SMOC1: variants seen among roughly 807,000 people sequenced by gnomAD.
SMOC1 encodes SPARC related modular calcium binding 1.
A neutral mutation model predicts 56.3 loss-of-function variants in SMOC1; 22 were observed. The observed-to-expected ratio is 0.39, with a 90% CI of 0.28 to 0.56. SMOC1 has a LOEUF of 0.56. Among genes scored for constraint, SMOC1 ranks in the 20% least tolerant of loss-of-function variants. The pLI, the probability that SMOC1 is intolerant of heterozygous loss-of-function variation, is 0.61. For synonymous variants in SMOC1, 193 were observed against 215.0 expected (o/e 0.90, Z 0.89); for missense variants, 509 against 565.4 (o/e 0.90, Z 1.01).
At chr14:70,027,814 C>A in intron 11 of SMOC1, among the ~76,000 whole-genome samples, 1 of 152,140 alleles carries the variant, frequency 6.6e-6, no homozygotes, top group East Asian at 1.9e-4. Flanking sequence ...ATAGCGAAGG[C>A]ACAAAAGAAA....
At chr14:70,005,758 A>G (rs1273350462) in intron 7 of SMOC1, among the ~76,000 whole-genome samples, 1 of 152,156 alleles carries the variant, frequency 6.6e-6, no homozygotes, top group Non-Finnish European at 1.5e-5. Flanking sequence ...ACAGGATTAT[A>G]GGGGCGGGCG....
chr14:70,018,525 TGTGA>T (rs1763241902), intron 10 of SMOC1, among the ~76,000 whole-genome samples: 1 of 152,158 alleles, frequency 6.6e-6, no homozygotes, highest in Admixed American at 6.5e-5. Context: ...ATGTTTTCTG[TGTGA>T]GTGAGTTATC....
At chr14:69,899,946 C>T (rs368128555) in intron 1 of SMOC1, among the ~76,000 whole-genome samples, 4 of 152,168 alleles carry the variant, frequency 2.6e-5, no homozygotes, top group African/African-American at 9.7e-5. Flanking sequence ...CAGTGGTTTG[C>T]CATGTGAAAT....
At chr14:69,924,464 G>A (rs1188507881) in intron 1 of SMOC1, among the ~76,000 whole-genome samples, 1 of 152,054 alleles carries the variant, frequency 6.6e-6, no homozygotes, top group Non-Finnish European at 1.5e-5. Flanking sequence ...CTCTTTAGAA[G>A]TGGATATCGA....
intron 7 of SMOC1, among the ~76,000 whole-genome samples, chr14:70,005,089 A>C (rs1204040711): frequency 1.3e-5 from 2 of 152,268 alleles, no homozygotes; most frequent in Non-Finnish European, 2.9e-5. Context: ...TCTGGAAGGC[A>C]GTGTCTAGAA....
chr14:69,938,260 C>A (rs534754980), intron 1 of SMOC1, among the ~76,000 whole-genome samples: 1 of 152,252 alleles, frequency 6.6e-6, no homozygotes, highest in East Asian at 1.9e-4. Context: ...AGTACTCTGC[C>A]TCTTCTTCCT....
At chr14:69,956,598 T>C (rs1883196395) in intron 3 of SMOC1, among the ~76,000 whole-genome samples, 1 of 152,068 alleles carries the variant, frequency 6.6e-6, no homozygotes, top group Non-Finnish European at 1.5e-5. Context: ...TTGAAGTTTA[T>C]GGGGGGAGTG....
intron 1 of SMOC1, among the ~76,000 whole-genome samples, chr14:69,921,152 G>A (rs898126239): frequency 7.9e-5 from 12 of 152,186 alleles, no homozygotes; most frequent in African/African-American, 2.7e-4. Flanking sequence ...GATGCCTCCT[G>A]AGCATCGCCT....
chr14:70,023,488 CCCCCA>C, intron 11 of SMOC1, 41 bp downstream of exon 11: 1 of 1,613,388 alleles, frequency 6.2e-7, no homozygotes, highest in Admixed American at 1.7e-5. Flanking sequence ...TCAATACTTG[CCCCCA>C]CCCAGGCATG....
chr14:69,885,448 A>T (rs1209153450), intron 1 of SMOC1: 8 of 1,590,120 alleles, frequency 5.0e-6, no homozygotes, highest in Admixed American at 3.3e-5. Flanking sequence ...GGCGGATCTC[A>T]TCGTATCTGT....
intron 1 of SMOC1, among the ~76,000 whole-genome samples, chr14:69,941,988 C>G (rs1315104390): frequency 6.6e-6 from 1 of 152,166 alleles, no homozygotes; most frequent in African/African-American, 2.4e-5. Flanking sequence ...ATAATAGGTG[C>G]TCAGTGAGTC....
intron 1 of SMOC1, among the ~76,000 whole-genome samples, chr14:69,905,596 G>T (rs564491154): frequency 6.6e-6 from 1 of 152,292 alleles, no homozygotes; most frequent in East Asian, 1.9e-4. Context: ...GACCACTTAT[G>T]AATTAATTAC....
intron 3 of SMOC1, among the ~76,000 whole-genome samples, chr14:69,955,051 G>A (rs1171855602): frequency 6.6e-6 from 1 of 152,204 alleles, no homozygotes; most frequent in Non-Finnish European, 1.5e-5. Context: ...CCGACCCTGG[G>A]AGAGGTGCTT....
chr14:69,982,394 C>T (rs1884212376), intron 5 of SMOC1, among the ~76,000 whole-genome samples: 1 of 152,182 alleles, frequency 6.6e-6, no homozygotes, highest in Admixed American at 6.5e-5. Flanking sequence ...TCTCCAAGGT[C>T]CCTGTCTGTA....
intron 1 of SMOC1, among the ~76,000 whole-genome samples, chr14:69,938,693 C>T (rs1009616954): frequency 3.9e-5 from 6 of 152,066 alleles, no homozygotes; most frequent in Admixed American, 6.5e-5. Context: ...CTGTCGGTGG[C>T]GTGAGGGTCT....
chr14:70,029,109 G>A (rs200329735), intron 11 of SMOC1, among the ~76,000 whole-genome samples: 2 of 152,210 alleles, frequency 1.3e-5, no homozygotes, highest in African/African-American at 2.4e-5. Context: ...ACAGAGTCAC[G>A]TGGCCCTAAG....
intron 3 of SMOC1, among the ~76,000 whole-genome samples, chr14:69,966,369 G>A (rs915099467): frequency 2.0e-5 from 3 of 152,102 alleles, no homozygotes; most frequent in African/African-American, 4.8e-5. Context: ...CCTTTGTGGG[G>A]GATGCTGTTC....
rs34300667 is a variant in SMOC1, at chr14:69,883,889, A to ATTTTTTTTTT, written c.99+4131_99+4140dup. On this transcript the variant is annotated intron_variant, in intron 1 of 11. Transcript: ENST00000361956. ...TCCCTGATGATTAGTGATGTTGAGC[A>ATTTTTTTTTT]TTTTTTTTTTTTTTTTTTTTTTTTT... 5.9e-4 allele frequency among the ~76,000 whole-genome samples: 39 copies of ATTTTTTTTTT among 66,644 alleles called. 10 individuals carry two copies. Among genetic ancestry groups the ATTTTTTTTTT allele is most frequent in the African/African-American group, 2.0e-3 (29 of 14,330 alleles). 43.7% of individuals were successfully genotyped at this position (66,644 alleles called of 152,430 possible). A position where few individuals can be genotyped will look rare whatever the true frequency, so the allele number is the denominator to read the frequency against.
intron 7 of SMOC1, among the ~76,000 whole-genome samples, chr14:69,997,901 A>G (rs1884826129): frequency 6.6e-6 from 1 of 152,122 alleles, no homozygotes; most frequent in Non-Finnish European, 1.5e-5. Flanking sequence ...CGTGAAGCCC[A>G]TCGGGGTGAG....
Sources: gnomAD v4.1 joint callset for allele counts (sites outside exome capture counted in the v4.1 genomes callset) on GRCh38, gnomAD v4.1.1 for gene constraint, MANE v1.5 for transcripts, NCBI Gene and HGNC (gene_info 2026-07-23, HGNC 2026-07-21) for gene names.